WDR90: variants seen among roughly 807,000 people sequenced by gnomAD.
The protein encoded by WDR90 is WD repeat domain 90.
In WDR90, 238 loss-of-function variants were observed where a neutral mutation model predicts 195.2. The ratio of observed to expected loss-of-function variants is 1.22; its 90% CI spans 1.10 to 1.36. The LOEUF is 1.36. Ranked by LOEUF, WDR90 falls within the 40% of genes most tolerant of loss-of-function variation. The pLI is 0.00. For synonymous variants in WDR90, 1,265 were observed against 1,052.4 expected, an observed-to-expected ratio of 1.20 and a Z score of -3.91; for missense variants, 2,734 against 2,439.5, an observed-to-expected ratio of 1.12 and a Z score of -2.54.
At chr16:660,024 T>G (rs200979040) in intron 26 of WDR90, 34 bp from the exon 27 acceptor site, 1 of 1,486,700 alleles carries the variant, frequency 6.7e-7, no homozygotes, top group South Asian at 1.2e-5. Flanking sequence ...CTCAGGGCAG[T>G]GTAATGCCAC....
chr16:667,778 C>A lies in WDR90; in HGVS notation c.*189C>A. The A allele has an allele frequency of 1.3e-6, 1 of 767,868 alleles. No homozygotes were observed. The highest frequency in any genetic ancestry group is 2.2e-6 in the Non-Finnish European group (1 of 456,810). The allele number at this position is 767,868 out of a possible 1,614,324, so 47.6% of individuals were successfully genotyped here. On this transcript the variant is annotated 3_prime_UTR_variant, in exon 41 of 41. Transcript: ENST00000293879. ...TACTTTCATACCTGTTGCCCTTTTG[C>A]CTAAGAAATCTTTAATGTTTCTATC...
rs1335008444 is a variant in WDR90, at chr16:659,355, A to G, written c.3163A>G (p.Arg1055Gly). 1 of 1,593,196 alleles carries G rather than the reference A, an allele frequency of 6.3e-7. No homozygotes were observed. Among genetic ancestry groups the G allele is most frequent in the Non-Finnish European group, 8.5e-7 (1 of 1,171,038 alleles). The change falls in exon 26 of 41, where the codon AGG (arginine) becomes GGG (glycine). Residue 1055 changes from arginine (R) to glycine (G), a missense_variant. Physicochemically the swap from Arg to Gly is moderately radical, Grantham distance 125. Coordinates refer to ENST00000293879, the MANE Select transcript of WDR90 (RefSeq NM_145294.5). ...TCCACCACGGCTGGGCGTCTGTGCCAGGCCTCCCGAAGGTGGCGATGGTGA... is the reference window on the plus strand; with the variant it reads ...TCCACCACGGCTGGGCGTCTGTGCCGGGCCTCCCGAAGGTGGCGATGGTGA... The part of the protein sequence containing the change: ...ASPPRLGVCA[R>G]PPEGGDGARD...
rs754336682 is a variant in WDR90 at position 661,431 on chromosome 16, C to A, written c.3603C>A (p.Leu1201=). Residue 1201 remains leucine (L), a synonymous_variant, in exon 30 of 41, where the codon CTC becomes CTA. Coordinates refer to ENST00000293879, the MANE Select transcript of WDR90 (RefSeq NM_145294.5). ...WDVSGGLCQH[L]IFPHSTTVLA... ...TGTCTGGCGGCCTCTGCCAGCATCT[C>A]ATTTTCCCCCATAGCACCACCGTGC... 6.2e-7 allele frequency: 1 copy of A among 1,612,414 alleles called. No individual in the cohort carries two copies. Among genetic ancestry groups the A allele is most frequent in the Non-Finnish European group, 8.5e-7 (1 of 1,179,912 alleles).
upstream of WDR90, chr16:649,341 C>T (rs1411676711): frequency 5.3e-6 from 7 of 1,316,646 alleles, no homozygotes; most frequent in African/African-American, 7.7e-5. Flanking sequence ...TGCCAGGCAG[C>T]CGTTGCCTGG....
rs1394553889 is a variant in WDR90 at position 659,131 on chromosome 16, G to A, written c.3052+5G>A. ...CCCCCCCAGCCTGCAAGACAGGTGA[G>A]TGGCTGTGCTCAGCTGGGGTGCAGG... On this transcript the variant is annotated splice_donor_5th_base_variant and intron_variant, in intron 25 of 40. Transcript: ENST00000293879. 3.1e-6 allele frequency: 5 copies of A among 1,611,554 alleles called. No homozygotes were observed. Among genetic ancestry groups the A allele is most frequent in the Admixed American group, 1.7e-5 (1 of 60,000 alleles).
At position 652,517 on chromosome 16, in the gene WDR90, G is replaced by T; in HGVS notation, c.1104G>T (p.Gly368=). ...VLRLKGVIGF[G]GHGTRQALWT... ...GGCTCAAGGGCGTCATCGGCTTTGG[G>T]GGCCACGGCACCAGACAGGTGAGGC... The change falls in exon 10 of 41, where the codon GGG becomes GGT. Residue 368 remains glycine, a synonymous_variant. Coordinates refer to ENST00000293879, the MANE Select transcript of WDR90 (RefSeq NM_145294.5). 6.2e-7 allele frequency: 1 copy of T among 1,610,052 alleles called. No individual in the cohort carries two copies. The highest frequency in any genetic ancestry group is 8.5e-7 in the Non-Finnish European group (1 of 1,178,054).
At chr16:659,474 TG>T in intron 26 of WDR90, 98 bp downstream of exon 26, 1 of 1,485,648 alleles carries the variant, frequency 6.7e-7, no homozygotes, top group Non-Finnish European at 9.1e-7. Flanking sequence ...AGCTCTGGGG[TG>T]CAGGTGCCAT....
chr16:649,373 C>G lies in WDR90; in HGVS notation c.-44C>G. The G allele has an allele frequency of 7.5e-7, 1 of 1,330,530 alleles. No homozygotes were observed. The highest frequency in any genetic ancestry group is 9.6e-7 in the Non-Finnish European group (1 of 1,042,404). The allele number at this position is 1,330,530 out of a possible 1,614,324, so 82.4% of individuals were successfully genotyped here. A position where few individuals can be genotyped will look rare whatever the true frequency, so the allele number is the denominator to read the frequency against. ...CTGGCGTCGCGGGGCGTACTCTGCG[C>G]TGGGCGCGCGGAGGCCTAGGCGGGA... On this transcript the variant is annotated 5_prime_UTR_variant, in exon 1 of 41. Coordinates refer to ENST00000293879, the MANE Select transcript of WDR90 (RefSeq NM_145294.5).
In WDR90 at chr16:661,880, T is replaced by C; in HGVS notation, c.3865-11T>C. On this transcript the variant is annotated splice_polypyrimidine_tract_variant and intron_variant, in intron 31 of 40. Transcript: ENST00000293879. The stretch of plus-strand genomic sequence containing the variant: ...CACTGCTGACCCATGGCCACTCTCA[T>C]ACTTTGCCAGGTGCGTCGAGAGCCA... The C allele has an allele frequency of 5.6e-6, 9 of 1,605,926 alleles. No individual in the cohort carries two copies. The highest frequency in any genetic ancestry group is 6.8e-6 in the Non-Finnish European group (8 of 1,175,144).
At chr16:658,008 G>T in intron 21 of WDR90, 116 bp downstream of exon 21, 1 of 1,454,996 alleles carries the variant, frequency 6.9e-7, no homozygotes, top group South Asian at 1.4e-5. Context: ...CCCGCCTCCT[G>T]TCGCAGAGTA....
chr16:660,758 C>A (rs932172449), intron 28 of WDR90, 44 bp downstream of exon 28: 8 of 1,521,674 alleles, frequency 5.3e-6, no homozygotes, highest in South Asian at 1.2e-5. Context: ...AAGATGCGGC[C>A]GCGCGTGGTC....
intron 26 of WDR90, among the ~76,000 whole-genome samples, chr16:659,602 C>T (rs1298830467): frequency 6.6e-6 from 1 of 152,186 alleles, no homozygotes; most frequent in Non-Finnish European, 1.5e-5. Context: ...TTCCTCTCCC[C>T]CTTGGCCCCA....
chr16:665,468 G>C, intron 34 of WDR90: 1 of 699,778 alleles, frequency 1.4e-6, no homozygotes, highest in Non-Finnish European at 2.4e-6. Flanking sequence ...ACTGGCTAGT[G>C]GGCTTGCTTT....
chr16:656,403 C>G lies in WDR90; in HGVS notation c.2068C>G (p.Arg690Gly). The change falls in exon 18 of 41, where the codon CGG becomes GGG. Residue 690 changes from arginine to glycine, a missense_variant. Physicochemically the swap from Arg to Gly is moderately radical, Grantham distance 125 (BLOSUM62 -2). Transcript: ENST00000293879. ...CCTGGGCTTCCTGGACACGCTGTCC[C>G]GGGTGTACCACATGCTGGCTCGCTC... ...GHLGFLDTLS[R>G]VYHMLARSHT... is the part of the protein sequence containing the mutation. 1 of 1,608,154 alleles carries G rather than the reference C, an allele frequency of 6.2e-7. No individual in the cohort carries two copies. The highest frequency in any genetic ancestry group is 8.5e-7 in the Non-Finnish European group (1 of 1,179,236).
intron 34 of WDR90, among the ~76,000 whole-genome samples, chr16:663,819 C>T (rs1029261608): frequency 2.0e-5 from 3 of 152,320 alleles, no homozygotes; most frequent in Non-Finnish European, 2.9e-5. Context: ...GGAATTGGGG[C>T]GGCAGGACAG....
At chr16:656,668 G>A (rs34775748) in intron 18 of WDR90, 64 bp from the exon 19 acceptor site, 412,722 of 1,574,974 alleles carry the variant, frequency 0.26, 63,122 homozygotes, top group East Asian at 0.67. Context: ...GGTTTGGGCC[G>A]CCTGGAGAGC....
chr16:665,573 G>T, intron 34 of WDR90, 106 bp from the exon 35 acceptor site: 2 of 1,572,392 alleles, frequency 1.3e-6, no homozygotes, highest in Non-Finnish European at 1.7e-6. Context: ...AGAGGCACAT[G>T]CTCTGGTTTG....
In WDR90 at chr16:665,867, C is replaced by T. The variant is rs965634722; in HGVS notation, c.4434+66C>T. ...TGCTCAGTGGGGGGCCTGGCATGGG[C>T]GGGGCCGCCTCCTCCCTCTGGCCTG... On this transcript the variant is annotated intron_variant, in intron 35 of 40. Coordinates refer to ENST00000293879, the MANE Select transcript of WDR90 (RefSeq NM_145294.5). 29 of 1,550,916 alleles carry T rather than the reference C, an allele frequency of 1.9e-5. No individual in the cohort carries two copies. In the African/African-American group the frequency reaches 1.9e-4, roughly 10 times the overall value.
Position 662,762 on chromosome 16 carries a change from TG to T in WDR90, c.4232del (p.Gly1411AlafsTer28), listed in dbSNP as rs1302049445. The T allele has an allele frequency of 1.2e-6, 2 of 1,607,646 alleles. No individual in the cohort carries two copies. ...GATGACAGCGTGGACATGGGCGTCG[TG>T]GGCACCACGGCGGGCACGCTGTGGT... is the stretch of plus-strand genomic sequence containing the variant. ...SFDDSVDMGVVGTTAGTLWFV... is the reference protein window; with the variant it reads ...SFDDSVDMGVXGTTAGTLWFV... On this transcript the variant is annotated frameshift_variant, in exon 34 of 41. Coordinates refer to ENST00000293879, the MANE Select transcript of WDR90 (RefSeq NM_145294.5). LOFTEE classifies it high-confidence loss of function.
Sources: allele counts gnomAD v4.1 joint callset (sites outside exome capture counted in the v4.1 genomes callset), GRCh38; gene constraint gnomAD v4.1.1; transcripts MANE v1.5; gene names NCBI Gene and HGNC (gene_info 2026-07-23, HGNC 2026-07-21).